The following ZNF507 variants were observed in gnomAD, a reference collection of about 807,000 sequenced individuals.
ZNF507 encodes zinc finger protein 507.
In ZNF507, 29 loss-of-function variants were observed where a neutral mutation model predicts 80.0. The ratio of observed to expected loss-of-function variants is 0.36; its 90% CI spans 0.27 to 0.49. The LOEUF (loss-of-function observed/expected upper bound fraction) is 0.49, where lower values mean the gene tolerates loss of function less well. ZNF507 is among the 20% of genes least tolerant of loss of function. ZNF507 has a pLI of 0.98. For synonymous variants in ZNF507, 462 were observed against 422.5 expected, an observed-to-expected ratio of 1.09 and a Z score of -1.15; for missense variants, 1,081 against 1,152.2, an observed-to-expected ratio of 0.94 and a Z score of 0.90.
intron 5 of ZNF507, among the ~76,000 whole-genome samples, chr19:32,365,097 G>A (rs1383586792): frequency 2.0e-5 from 3 of 152,072 alleles, no homozygotes; most frequent in South Asian, 2.1e-4. Flanking sequence ...TTCCCTGATC[G>A]TTAATGATTT....
intron 5 of ZNF507, among the ~76,000 whole-genome samples, chr19:32,373,444 C>CT (rs1158262493): frequency 1.3e-5 from 2 of 152,182 alleles, no homozygotes; most frequent in Non-Finnish European, 2.9e-5. Context: ...TTGTAAGAGA[C>CT]TTATCGAGTG....
At chr19:32,364,480 G>A (rs932631303) in intron 5 of ZNF507, among the ~76,000 whole-genome samples, 2 of 151,506 alleles carry the variant, frequency 1.3e-5, no homozygotes, top group African/African-American at 4.9e-5. Flanking sequence ...TTTATCCCTC[G>A]CCCTCCTCCC....
chr19:32,378,639 C>CT (rs573244402), intron 5 of ZNF507, among the ~76,000 whole-genome samples: 3,496 of 92,434 alleles, frequency 0.038, 137 homozygotes, highest in African/African-American at 0.11. Flanking sequence ...AAATTAGAAG[C>CT]TTTTTTTTTT....
chr19:32,361,714 TTTCCTTTC>T, intron 5 of ZNF507, among the ~76,000 whole-genome samples: 1 of 143,760 alleles, frequency 7.0e-6, no homozygotes, highest in Non-Finnish European at 1.5e-5. Flanking sequence ...CCTTCCTTCC[TTTCCTTTC>T]TTCCTTTCCT....
intron 5 of ZNF507, among the ~76,000 whole-genome samples, chr19:32,380,840 G>C (rs1353221707): frequency 1.3e-5 from 2 of 152,098 alleles, no homozygotes; most frequent in African/African-American, 4.8e-5. Context: ...GAGGCAAGAG[G>C]ATTGCTTGAG....
At position 32,383,374 on chromosome 19, in the gene ZNF507, T is replaced by G; in HGVS notation, c.*291T>G. ...TCTTAGTGTCGAGTGTATTTATTAATAAAAGCTTATTAGAGTGTAGAAATG... is the reference window on the plus strand; with the variant it reads ...TCTTAGTGTCGAGTGTATTTATTAAGAAAAGCTTATTAGAGTGTAGAAATG... On this transcript the variant is annotated 3_prime_UTR_variant, in exon 7 of 7. Transcript: ENST00000355898. 3.1e-6 allele frequency: 1 copy of G among 319,324 alleles called. No homozygotes were observed. The highest frequency in any genetic ancestry group is 5.9e-6 in the Non-Finnish European group (1 of 169,538). 19.8% of individuals were successfully genotyped at this position (319,324 alleles called of 1,614,324 possible). A position where few individuals can be genotyped will look rare whatever the true frequency, so the allele number is the denominator to read the frequency against.
rs371379416 is a variant in ZNF507 at position 32,353,431 on chromosome 19, T to C, written c.601T>C (p.Cys201Arg). The C allele has an allele frequency of 1.2e-6, 2 of 1,614,206 alleles. No homozygotes were observed. The highest frequency in any genetic ancestry group is 2.2e-5 in the East Asian group (1 of 44,884). Residue 201 changes from cysteine (C) to arginine (R), a missense_variant, in exon 3 of 7, where the codon TGT becomes CGT. Cys to Arg is a radical substitution (Grantham distance 180, BLOSUM62 -3). Coordinates refer to ENST00000355898, the MANE Select transcript of ZNF507 (RefSeq NM_001136156.2). ...GTGCGTAAGCCCCTCCAGCTCTTTG[T>C]GTCGGAAAACCACAGAAAGAAATGA... ...QQCVSPSSSL[C>R]RKTTERNETI...
In ZNF507 at chr19:32,353,711, C is replaced by T; in HGVS notation, c.881C>T (p.Ser294Leu). The T allele has an allele frequency of 6.2e-7, 1 of 1,614,202 alleles. No homozygotes were observed. Among genetic ancestry groups the T allele is most frequent in the South Asian group, 1.1e-5 (1 of 91,082 alleles). Residue 294 changes from serine to leucine, a missense_variant, in exon 3 of 7, where the codon TCA becomes TTA. Physicochemically the swap from Ser to Leu is moderately radical, Grantham distance 145. Around this residue, in one of 6 missense-constraint regions of ZNF507, gnomAD observed 614 missense variants for 583.9 expected, o/e 1.05. Transcript: ENST00000355898. ...ENEPLGLLDS[S>L]AAAAPGGVDA... Reference sequence around the variant, plus strand: ...GAACCCCTAGGCCTGCTGGATTCTTCAGCAGCTGCTGCGCCTGGTGGGGTC... The same window carrying T: ...GAACCCCTAGGCCTGCTGGATTCTTTAGCAGCTGCTGCGCCTGGTGGGGTC...
rs1438917141 is a variant in ZNF507 at position 32,356,753 on chromosome 19, T to C, written c.2245+20T>C. 3 of 1,580,942 alleles carry C rather than the reference T, an allele frequency of 1.9e-6. No individual in the cohort carries two copies. The highest frequency in any genetic ancestry group is 2.7e-5 in the African/African-American group (2 of 74,204). The stretch of plus-strand genomic sequence containing the variant: ...AGGAAGGTATCTATGTATTTTGTTA[T>C]GCAGGCTGCAGTGACTTGCACATGA... On this transcript the variant is annotated intron_variant, in intron 4 of 6. Transcript: ENST00000355898.
intron 5 of ZNF507, among the ~76,000 whole-genome samples, chr19:32,361,649 C>CCTTCCTTCCTTCTTTT (rs1967323877): frequency 1.3e-5 from 2 of 148,844 alleles, no homozygotes. Context: ...TTCCTTCTTT[C>CCTTCCTTCCTTCTTTT]CTTCCTTCCT....
At chr19:32,373,841 T>C (rs1599556981) in intron 5 of ZNF507, among the ~76,000 whole-genome samples, 1 of 152,200 alleles carries the variant, frequency 6.6e-6, no homozygotes, top group South Asian at 2.1e-4. Flanking sequence ...CTTGTGACTA[T>C]CCATTTTCGT....
In ZNF507 at chr19:32,370,621, T is replaced by G. The variant is rs181254034; in HGVS notation, c.2360+10003T>G. On this transcript the variant is annotated intron_variant, in intron 5 of 6. Coordinates refer to ENST00000355898, the MANE Select transcript of ZNF507 (RefSeq NM_001136156.2). ...TGAGTTATAAGTGTTCTTTATAAATTTTGGATATTAACCCCTTATCGGATA... is the reference window on the plus strand; with the variant it reads ...TGAGTTATAAGTGTTCTTTATAAATGTTGGATATTAACCCCTTATCGGATA... Among the ~76,000 whole-genome samples the G allele has an allele frequency of 3.2e-3, 484 of 152,344 alleles. 1 individual carries two copies. Among genetic ancestry groups the G allele is most frequent in the Middle Eastern group, 0.01 (3 of 294 alleles).
chr19:32,359,378 G>A (rs894197079), intron 4 of ZNF507: 5 of 152,036 alleles, frequency 3.3e-5, no homozygotes, highest in Admixed American at 6.6e-5. Context: ...ATAATACCAC[G>A]GATTTTACTT....
intron 3 of ZNF507, among the ~76,000 whole-genome samples, chr19:32,355,299 A>G (rs1325435708): frequency 1.3e-5 from 2 of 152,156 alleles, no homozygotes; most frequent in Non-Finnish European, 2.9e-5. Flanking sequence ...CGTTTGACTT[A>G]AACAAATTTA....
rs115751744 is a variant in ZNF507 at position 32,366,384 on chromosome 19, G to A, written c.2360+5766G>A. ...CAGTCATTACCCACCCCTCCCCTCT[G>A]TCTGGTATCCACTATCTTGACTTCT... On this transcript the variant is annotated intron_variant, in intron 5 of 6. Transcript: ENST00000355898. Among the ~76,000 whole-genome samples, 36 of 151,916 alleles carry A rather than the reference G, an allele frequency of 2.4e-4. 1 individual carries two copies. The highest frequency in any genetic ancestry group is 8.0e-4 in the African/African-American group (33 of 41,414).
At chr19:32,356,059 T>G (rs1162306419) in intron 3 of ZNF507, among the ~76,000 whole-genome samples, 1 of 152,164 alleles carries the variant, frequency 6.6e-6, no homozygotes, top group Non-Finnish European at 1.5e-5. Context: ...CTTCTCAGAT[T>G]ACACTCATGA....
intron 4 of ZNF507, chr19:32,357,399 T>C (rs948140299): frequency 3.3e-5 from 5 of 152,240 alleles, no homozygotes; most frequent in African/African-American, 1.2e-4. Context: ...ATTGATATAC[T>C]TTAAATGTCT....
In ZNF507 at chr19:32,356,598, T is replaced by C; in HGVS notation, c.2128-18T>C. The C allele has an allele frequency of 1.3e-6, 2 of 1,582,976 alleles. No individual in the cohort carries two copies. Among genetic ancestry groups the C allele is most frequent in the Non-Finnish European group, 1.7e-6 (2 of 1,152,566 alleles). The stretch of plus-strand genomic sequence containing the variant: ...ATGTATATTTATTGAAAATTACATA[T>C]TTCTTTCCACTTTTTAGAGTCAATT... On this transcript the variant is annotated intron_variant, in intron 3 of 6. Coordinates refer to ENST00000355898, the MANE Select transcript of ZNF507 (RefSeq NM_001136156.2).
rs530015755 is a variant in ZNF507 at position 32,376,265 on chromosome 19, CT to C, written c.2361-6194del. On this transcript the variant is annotated intron_variant, in intron 5 of 6. Coordinates refer to ENST00000355898, the MANE Select transcript of ZNF507 (RefSeq NM_001136156.2). ...TAACGCTATGAGTGATTTTTATTTTCTTTTTTTTCCTATATATTTCTAATTT... is the reference window on the plus strand; with the variant it reads ...TAACGCTATGAGTGATTTTTATTTTCTTTTTTTCCTATATATTTCTAATTT... Among the ~76,000 whole-genome samples, 843 of 151,932 alleles carry C rather than the reference CT, an allele frequency of 5.5e-3. 4 individuals carry two copies. Among genetic ancestry groups the C allele is most frequent in the Middle Eastern group, 0.034 (10 of 290 alleles).
Sources: allele counts gnomAD v4.1 joint callset (sites outside exome capture counted in the v4.1 genomes callset), GRCh38; gene constraint gnomAD v4.1.1; regional missense constraint gnomAD v4.1.1; transcripts MANE v1.5; gene names NCBI Gene and HGNC (gene_info 2026-07-23, HGNC 2026-07-21).